PMS1: variants seen among roughly 807,000 people sequenced by gnomAD.
PMS1 encodes PMS1 homolog 1, mismatch repair system component, also known as PMS1 protein homolog 1.
PMS1 carries 79 observed loss-of-function variants against 93.1 expected under a neutral mutation model. The ratio of observed to expected loss-of-function variants is 0.85; its 90% CI spans 0.71 to 1.02. The LOEUF (loss-of-function observed/expected upper bound fraction) is 1.02. Among genes scored for constraint, PMS1 ranks in the 50% least tolerant of loss-of-function variants. The pLI is 0.00. For synonymous variants in PMS1, 335 were observed against 363.4 expected, an observed-to-expected ratio of 0.92 and a Z score of 0.89; for missense variants, 1,064 against 1,085.3, an observed-to-expected ratio of 0.98 and a Z score of 0.28.
chr2:189,786,337 C>T (rs550473518), intron 1 of PMS1, among the ~76,000 whole-genome samples: 2 of 152,018 alleles, frequency 1.3e-5, no homozygotes, highest in African/African-American at 4.8e-5. Context: ...GGTTGAGATT[C>T]GAGTCAAAAT....
chr2:189,848,600 T>C (rs898901865), intron 6 of PMS1, among the ~76,000 whole-genome samples: 3 of 152,198 alleles, frequency 2.0e-5, no homozygotes, highest in African/African-American at 4.8e-5. Context: ...ATCATAGATA[T>C]GAGAATTTTT....
At chr2:189,829,477 C>T (rs948740336) in intron 5 of PMS1, among the ~76,000 whole-genome samples, 1 of 152,106 alleles carries the variant, frequency 6.6e-6, no homozygotes, top group East Asian at 1.9e-4. Flanking sequence ...TCTCTCCTTA[C>T]CCTGCTTAAA....
At chr2:189,873,448 G>A (rs776059134) in intron 11 of PMS1, 48 bp from the exon 12 acceptor site, 2 of 1,356,320 alleles carry the variant, frequency 1.5e-6, no homozygotes, top group African/African-American at 1.4e-5. Flanking sequence ...TAATGGACAT[G>A]TTCTGGAATA....
At chr2:189,860,563 T>C (rs2055852581) in intron 9 of PMS1, among the ~76,000 whole-genome samples, 1 of 152,088 alleles carries the variant, frequency 6.6e-6, no homozygotes, top group South Asian at 2.1e-4. Flanking sequence ...TTGGGGCTTT[T>C]CCGGATATTT....
chr2:189,853,778 A>G (rs2055034919), intron 7 of PMS1, among the ~76,000 whole-genome samples, 161 bp from the exon 8 acceptor site: 1 of 152,112 alleles, frequency 6.6e-6, no homozygotes, highest in South Asian at 2.1e-4. Flanking sequence ...TGGCCTCCCA[A>G]AGTGCTGGGA....
In PMS1 at chr2:189,853,991, A is replaced by G. The variant is rs1288595603; in HGVS notation, c.875A>G (p.Tyr292Cys). 19 of 1,608,508 alleles carry G rather than the reference A, an allele frequency of 1.2e-5. No homozygotes were observed. Among genetic ancestry groups the G allele is most frequent in the East Asian group, 2.2e-5 (1 of 44,616 alleles). Reference sequence around the variant, plus strand: ...TGCCTAAAGGAATCTACTCGTTTGTATCCTGTTTTCTTTCTGAAAATCGAT... The same window carrying G: ...TGCCTAAAGGAATCTACTCGTTTGTGTCCTGTTTTCTTTCTGAAAATCGAT... ...LKCLKESTRL[Y>C]PVFFLKIDVP... Residue 292 changes from tyrosine to cysteine, a missense_variant, in exon 8 of 13, where the codon TAT becomes TGT. Physicochemically the swap from Tyr to Cys is radical, Grantham distance 194. Transcript: ENST00000441310.
In PMS1 at chr2:189,805,766, G is replaced by T; in HGVS notation, c.418+12G>T. On this transcript the variant is annotated intron_variant, in intron 4 of 12. Coordinates refer to ENST00000441310, the MANE Select transcript of PMS1 (RefSeq NM_000534.5). ...ACATCTTGGTCAAGGTAAGAAAGTA[G>T]CTTTGTATACAAACATTCTTTACCT... 3 of 1,613,444 alleles carry T rather than the reference G, an allele frequency of 1.9e-6. No individual in the cohort carries two copies. The highest frequency in any genetic ancestry group is 2.5e-6 in the Non-Finnish European group (3 of 1,179,780).
intron 2 of PMS1, among the ~76,000 whole-genome samples, chr2:189,792,173 A>G (rs370112170): frequency 2.0e-5 from 3 of 152,344 alleles, no homozygotes; most frequent in East Asian, 3.9e-4. Flanking sequence ...GGTCTCCATC[A>G]CCTAAGACAT....
At chr2:189,797,326 A>G (rs1010655067) in intron 3 of PMS1, among the ~76,000 whole-genome samples, 6 of 152,238 alleles carry the variant, frequency 3.9e-5, no homozygotes, top group Non-Finnish European at 8.8e-5. Context: ...TCCTGAGTTC[A>G]GTGCTTGGCA....
At position 189,795,788 on chromosome 2, in the gene PMS1, A is replaced by C. The variant is rs370668897; in HGVS notation, c.152A>C (p.Lys51Thr). The change falls in exon 3 of 13, where the codon AAA becomes ACA. Residue 51 changes from lysine (K) to threonine (T), a missense_variant. Transcript: ENST00000441310. ...TTATAGGAGAACTATGGATTTGATA[A>C]AATTGAGGTGCGAGATAACGGGGAG... Reference protein sequence around the residue: ...DVKLENYGFDKIEVRDNGEGI... With the variant: ...DVKLENYGFDTIEVRDNGEGI... The C allele has an allele frequency of 2.7e-5, 44 of 1,613,676 alleles. No individual in the cohort carries two copies. The highest frequency in any genetic ancestry group is 3.5e-5 in the Non-Finnish European group (41 of 1,179,668).
At chr2:189,818,591 A>G (rs2051530553) in intron 5 of PMS1, among the ~76,000 whole-genome samples, 2 of 152,248 alleles carry the variant, frequency 1.3e-5, no homozygotes, top group Admixed American at 6.5e-5. Context: ...ATAGCAGCCC[A>G]AAGACAACAT....
At chr2:189,839,053 G>A (rs997113237) in intron 5 of PMS1, among the ~76,000 whole-genome samples, 9 of 151,928 alleles carry the variant, frequency 5.9e-5, no homozygotes, top group South Asian at 4.2e-4. Context: ...GTGCAGTAGC[G>A]CGATCTCAGC....
chr2:189,841,998 T>C (rs1057368331), intron 5 of PMS1, among the ~76,000 whole-genome samples: 2 of 151,186 alleles, frequency 1.3e-5, no homozygotes, highest in African/African-American at 2.4e-5. Flanking sequence ...CCTGGTCAAA[T>C]GTGTCCTATT....
At chr2:189,842,977 T>C (rs76209752) in intron 5 of PMS1, among the ~76,000 whole-genome samples, 25 of 137,016 alleles carry the variant, frequency 1.8e-4, no homozygotes, top group South Asian at 7.0e-4. Flanking sequence ...TATATATATA[T>C]ACACACACAC....
intron 3 of PMS1, among the ~76,000 whole-genome samples, chr2:189,805,242 G>A (rs2050228839): frequency 6.6e-6 from 1 of 151,950 alleles, no homozygotes; most frequent in Admixed American, 6.6e-5. Flanking sequence ...ATAAAGAAGG[G>A]GGAGGGAATG....
intron 12 of PMS1, among the ~76,000 whole-genome samples, chr2:189,875,539 T>C (rs570990822): frequency 2.0e-5 from 3 of 152,080 alleles, no homozygotes; most frequent in South Asian, 4.2e-4. Context: ...CATTTGCCAG[T>C]AGTTAAAGAG....
intron 5 of PMS1, among the ~76,000 whole-genome samples, chr2:189,823,839 G>A (rs1480759847): frequency 1.3e-5 from 2 of 152,082 alleles, no homozygotes; most frequent in Non-Finnish European, 2.9e-5. Flanking sequence ...ACTTAGGGGT[G>A]TATCGTTTCC....
Position 189,877,260 on chromosome 2 carries a change from C to T in PMS1, c.2635-12C>T. ...ATATCATGGTAAAATGTGTGACTTTCCCTTTGGACAGGGAGAAGCAGTGCG... is the reference window on the plus strand; with the variant it reads ...ATATCATGGTAAAATGTGTGACTTTTCCTTTGGACAGGGAGAAGCAGTGCG... On this transcript the variant is annotated splice_polypyrimidine_tract_variant and intron_variant, in intron 12 of 12. Transcript: ENST00000441310. 1 of 1,612,208 alleles carries T rather than the reference C, an allele frequency of 6.2e-7. No individual in the cohort carries two copies. The highest frequency in any genetic ancestry group is 8.5e-7 in the Non-Finnish European group (1 of 1,178,358).
chr2:189,849,124 G>A (rs1053530794), intron 6 of PMS1, among the ~76,000 whole-genome samples: 1 of 151,874 alleles, frequency 6.6e-6, no homozygotes, highest in Non-Finnish European at 1.5e-5. Flanking sequence ...CTCCTGCAGG[G>A]ACCCCACATG....
Sources: allele counts gnomAD v4.1 joint callset (sites outside exome capture counted in the v4.1 genomes callset), GRCh38; gene constraint gnomAD v4.1.1; transcripts MANE v1.5; gene names NCBI Gene and HGNC (gene_info 2026-07-23, HGNC 2026-07-21).